PCDHA11: variants seen among roughly 807,000 people sequenced by gnomAD.
PCDHA11 encodes protocadherin alpha-11.
Under a neutral mutation model 70.3 loss-of-function variants are expected in PCDHA11, and 61 were observed. The ratio of observed to expected loss-of-function variants is 0.87; its 90% CI spans 0.71 to 1.07. The LOEUF is 1.07. Among genes scored for constraint, PCDHA11 ranks in the 50% least tolerant of loss-of-function variants. PCDHA11 has a pLI of 0.00. For synonymous variants in PCDHA11, 633 were observed against 555.1 expected (o/e 1.14, Z -1.97); for missense variants, 1,324 against 1,237.5 (o/e 1.07, Z -1.05).
chr5:140,945,076 C>G (rs2093735426), intron 1 of PCDHA11, among the ~76,000 whole-genome samples: 1 of 152,104 alleles, frequency 6.6e-6, no homozygotes, highest in South Asian at 2.1e-4. Flanking sequence ...TCCACCAAAA[C>G]ACTCTTGGAA....
rs782257127 is a variant in PCDHA11, at chr5:140,870,719, C to G, written c.1616C>G (p.Ala539Gly). The change falls in exon 1 of 4, where the codon GCG (alanine) becomes GGG (glycine). Residue 539 changes from alanine (A) to glycine (G), a missense_variant. Ala to Gly is a moderately conservative substitution (Grantham distance 60). Coordinates refer to ENST00000398640, the MANE Select transcript of PCDHA11 (RefSeq NM_018902.5). ...LLQFQVSARD[A>G]GVPPLSSNVT... ...CAGTTCCAGGTGAGCGCGCGCGATG[C>G]GGGCGTGCCGCCTCTGAGCAGCAAC... 3.7e-6 allele frequency: 6 copies of G among 1,612,966 alleles called. No homozygotes were observed. In the African/African-American group the frequency reaches 4.0e-5, roughly 11 times the overall value.
chr5:140,976,798 A>G (rs571590033), intron 1 of PCDHA11, among the ~76,000 whole-genome samples: 169 of 152,368 alleles, frequency 1.1e-3, no homozygotes, highest in Admixed American at 1.8e-3. Context: ...GCTTTTATGA[A>G]TATCTGAAGA....
intron 1 of PCDHA11, among the ~76,000 whole-genome samples, chr5:140,978,570 G>C (rs151127662): frequency 6.6e-6 from 1 of 152,196 alleles, no homozygotes; most frequent in Middle Eastern, 3.2e-3. Flanking sequence ...CTGTAATACT[G>C]AATTGGGAAT....
chr5:140,882,449 C>T (rs782741434), intron 1 of PCDHA11: 1 of 1,614,022 alleles, frequency 6.2e-7, no homozygotes, highest in Admixed American at 1.7e-5. Context: ...GGAGCTGGTG[C>T]CGCGCCTGTT....
chr5:140,888,441 A>G (rs2061829051), intron 1 of PCDHA11, among the ~76,000 whole-genome samples: 1 of 152,222 alleles, frequency 6.6e-6, no homozygotes, highest in African/African-American at 2.4e-5. Context: ...CAGCCGCCCA[A>G]CAATAAAGAA....
intron 1 of PCDHA11, chr5:140,966,931 C>T: frequency 6.2e-7 from 1 of 1,603,674 alleles, no homozygotes; most frequent in Non-Finnish European, 8.5e-7. Flanking sequence ...AGGCACCCGG[C>T]GCGCTCGTGG....
At chr5:140,905,704 T>C (rs960569704) in intron 1 of PCDHA11, among the ~76,000 whole-genome samples, 2 of 152,242 alleles carry the variant, frequency 1.3e-5, no homozygotes, top group African/African-American at 4.8e-5. Context: ...TCATTTATGA[T>C]TTCCTTCAGC....
intron 3 of PCDHA11, among the ~76,000 whole-genome samples, chr5:140,996,915 A>G (rs1167259941): frequency 6.6e-6 from 1 of 152,244 alleles, no homozygotes; most frequent in Non-Finnish European, 1.5e-5. Flanking sequence ...TGAAGTAAAT[A>G]TTAAAAAATA....
intron 1 of PCDHA11, chr5:140,928,913 G>T (rs782438428): frequency 2.5e-6 from 4 of 1,614,132 alleles, no homozygotes; most frequent in Non-Finnish European, 2.5e-6. Flanking sequence ...TGGGAACCAG[G>T]AGGGCAGCTT....
chr5:140,876,650 T>G lies in PCDHA11; in HGVS notation c.2391+5156T>G, dbSNP rs782068706. 4 of 1,614,162 alleles carry G rather than the reference T, an allele frequency of 2.5e-6. No individual in the cohort carries two copies. In the South Asian group the frequency reaches 4.4e-5, roughly 18 times the overall value. ...GTCATCTGCTCACTGACACCTCATG[T>G]TCCCTTCAAGCTGGTGTCCACCTAC... On this transcript the variant is annotated intron_variant, in intron 1 of 3. Transcript: ENST00000398640.
chr5:140,891,433 G>A (rs1256174929), intron 1 of PCDHA11, among the ~76,000 whole-genome samples: 1 of 145,874 alleles, frequency 6.9e-6, no homozygotes, highest in African/African-American at 2.6e-5. Flanking sequence ...AGTCCCCAAC[G>A]TCCATTGTAT....
At chr5:140,905,802 C>T (rs1043410620) in intron 1 of PCDHA11, among the ~76,000 whole-genome samples, 11 of 152,152 alleles carry the variant, frequency 7.2e-5, no homozygotes, top group African/African-American at 2.7e-4. Flanking sequence ...TCTAGAGGGA[C>T]AGAATTAATA....
intron 1 of PCDHA11, chr5:140,968,302 G>C (rs2096236958): frequency 6.2e-7 from 1 of 1,613,812 alleles, no homozygotes; most frequent in African/African-American, 1.3e-5. Context: ...TGGAGAGGGA[G>C]ATTCAAGGGC....
intron 1 of PCDHA11, chr5:140,883,267 T>C: frequency 6.2e-7 from 1 of 1,614,048 alleles, no homozygotes. Flanking sequence ...TGGCGGGTCA[T>C]TGTACCCTTT....
chr5:141,006,233 A>G (rs1311441986), intron 3 of PCDHA11, among the ~76,000 whole-genome samples: 2 of 151,044 alleles, frequency 1.3e-5, no homozygotes, highest in African/African-American at 4.9e-5. Flanking sequence ...TTATTTTTAG[A>G]TGGAGTCTTG....
intron 1 of PCDHA11, chr5:140,876,086 C>T (rs371336139): frequency 2.5e-6 from 4 of 1,613,778 alleles, no homozygotes; most frequent in East Asian, 2.2e-5. Flanking sequence ...AGAGAGCAAA[C>T]GCCAAAACTC....
chr5:140,875,858 A>T, intron 1 of PCDHA11: 1 of 1,613,908 alleles, frequency 6.2e-7, no homozygotes, highest in Non-Finnish European at 8.5e-7. Flanking sequence ...ATTAACGACA[A>T]CCCGCCGGTG....
chr5:140,884,352 A>C, intron 1 of PCDHA11: 1 of 1,613,828 alleles, frequency 6.2e-7, no homozygotes, highest in African/African-American at 1.3e-5. Context: ...GCGCTGGTGG[A>C]TGTCAATGTT....
At chr5:140,918,639 TGA>T (rs1554198713) in intron 1 of PCDHA11, among the ~76,000 whole-genome samples, 1 of 152,224 alleles carries the variant, frequency 6.6e-6, no homozygotes, top group East Asian at 1.9e-4. Context: ...ATTCATAAAT[TGA>T]AACCTAATTC....
Sources: allele counts gnomAD v4.1 joint callset (sites outside exome capture counted in the v4.1 genomes callset), GRCh38; gene constraint gnomAD v4.1.1; transcripts MANE v1.5; gene names NCBI Gene and HGNC (gene_info 2026-07-23, HGNC 2026-07-21).